KCNK13: variants seen among roughly 807,000 people sequenced by gnomAD.
The protein encoded by KCNK13 is potassium channel subfamily K member 13.
In KCNK13, 12 loss-of-function variants were observed where a neutral mutation model predicts 23.4. The observed-to-expected ratio is 0.51, with a 90% CI of 0.33 to 0.83. The LOEUF is 0.83. Ranked by LOEUF, KCNK13 falls within the 40% of genes least tolerant of loss-of-function variation. KCNK13 has a pLI of 0.02. For synonymous variants in KCNK13, 231 were observed against 229.5 expected, an observed-to-expected ratio of 1.01 and a Z score of -0.06; for missense variants, 463 against 556.3, an observed-to-expected ratio of 0.83 and a Z score of 1.69.
At position 90,184,923 on chromosome 14, in the gene KCNK13, C is replaced by T. The variant is rs373777053; in HGVS notation, c.1147C>T (p.Arg383Trp). ...GCPHQTSTLARDNEFSGGVGA... is the reference protein window; with the variant it reads ...GCPHQTSTLAWDNEFSGGVGA... ...CCCCCACCAGACCAGCACACTGGCC[C>T]GGGACAATGAATTCTCAGGGGGGGT... Residue 383 changes from arginine to tryptophan, a missense_variant, in exon 2 of 2, where the codon CGG (arginine) becomes TGG (tryptophan). Coordinates refer to ENST00000282146, the MANE Select transcript of KCNK13 (RefSeq NM_022054.4). This position sits in a 1 kb window ranked among gnomAD's most constrained non-coding sequence, Gnocchi z 5.6. The T allele has an allele frequency of 2.8e-5, 45 of 1,613,174 alleles. No homozygotes were observed. Among genetic ancestry groups the T allele is most frequent in the Admixed American group, 1.3e-4 (8 of 59,994 alleles).
intron 1 of KCNK13, among the ~76,000 whole-genome samples, chr14:90,120,333 A>G (rs1213232127): frequency 6.6e-6 from 1 of 152,208 alleles, no homozygotes; most frequent in Non-Finnish European, 1.5e-5. Flanking sequence ...GTCTCCCCAC[A>G]AGAGTTTACT....
chr14:90,172,669 C>T (rs955675486), intron 1 of KCNK13, among the ~76,000 whole-genome samples: 1 of 152,072 alleles, frequency 6.6e-6, no homozygotes, highest in Non-Finnish European at 1.5e-5. Flanking sequence ...CCATAAAACA[C>T]TTCAGCATAG....
chr14:90,116,043 A>G (rs1596784759), intron 1 of KCNK13, among the ~76,000 whole-genome samples: 1 of 152,124 alleles, frequency 6.6e-6, no homozygotes. Flanking sequence ...TTCCAAGCAT[A>G]TTTTTCTATG....
intron 1 of KCNK13, among the ~76,000 whole-genome samples, chr14:90,132,964 C>T (rs746249347): frequency 2.6e-5 from 4 of 152,146 alleles, no homozygotes; most frequent in Admixed American, 6.6e-5. Context: ...TCCCACTGTA[C>T]ACCATTTTCA....
At chr14:90,177,572 G>A (rs985048498) in intron 1 of KCNK13, among the ~76,000 whole-genome samples, 1 of 152,098 alleles carries the variant, frequency 6.6e-6, no homozygotes, top group Non-Finnish European at 1.5e-5. Flanking sequence ...AACTTGGGCT[G>A]GTCAGTGGTA....
rs565937586 is a variant in KCNK13, at chr14:90,123,758, T to C, written c.335-60353T>C. Reference sequence around the variant, plus strand: ...ATGTTCCTCCTGACTCAGCCTCCCATGTAGCTGGGACGATAGCCATGCACC... The same window carrying C: ...ATGTTCCTCCTGACTCAGCCTCCCACGTAGCTGGGACGATAGCCATGCACC... On this transcript the variant is annotated intron_variant, in intron 1 of 1. Transcript: ENST00000282146. Among the ~76,000 whole-genome samples the C allele has an allele frequency of 4.8e-4, 73 of 152,212 alleles. 1 individual carries two copies. In the South Asian group the frequency reaches 0.013, roughly 27 times the overall value.
At chr14:90,064,089 C>T (rs1378872950) in intron 1 of KCNK13, among the ~76,000 whole-genome samples, 2 of 152,174 alleles carry the variant, frequency 1.3e-5, no homozygotes, top group African/African-American at 2.4e-5. Flanking sequence ...GACTCTTAGC[C>T]GTGTTCCACA....
At chr14:90,127,866 T>G (rs1232738675) in intron 1 of KCNK13, among the ~76,000 whole-genome samples, 1 of 151,604 alleles carries the variant, frequency 6.6e-6, no homozygotes, top group Non-Finnish European at 1.5e-5. Context: ...AGAGTATGTT[T>G]CATCTAACAG....
At chr14:90,097,527 A>G (rs1018977966) in intron 1 of KCNK13, among the ~76,000 whole-genome samples, 1 of 152,164 alleles carries the variant, frequency 6.6e-6, no homozygotes, top group African/African-American at 2.4e-5. Context: ...TTCCACCACC[A>G]CCACATTGGG....
intron 1 of KCNK13, among the ~76,000 whole-genome samples, chr14:90,095,145 A>G (rs1889396534): frequency 6.6e-6 from 1 of 152,208 alleles, no homozygotes; most frequent in African/African-American, 2.4e-5. Context: ...AGAGAATCAC[A>G]GCGTCTCTGT....
In KCNK13 at chr14:90,077,411, A is replaced by G. The variant is rs574996381; in HGVS notation, c.334+14872A>G. 6.6e-5 allele frequency among the ~76,000 whole-genome samples: 10 copies of G among 152,200 alleles called. No homozygotes were observed. The South Asian group carries it at 1.2e-3, about 19-fold the overall frequency. ...GCTGGGATTACAGGTGTGAGCCACC[A>G]TGCCCGGCCAATCCTGGGAATTTTT... On this transcript the variant is annotated intron_variant, in intron 1 of 1. Transcript: ENST00000282146.
chr14:90,140,164 T>C (rs747691321), intron 1 of KCNK13, among the ~76,000 whole-genome samples: 5 of 151,958 alleles, frequency 3.3e-5, no homozygotes, highest in Non-Finnish European at 2.9e-5. Flanking sequence ...CCCCTTGGCT[T>C]TGGGGTTCGA....
At chr14:90,105,298 G>A (rs2140408917) in intron 1 of KCNK13, among the ~76,000 whole-genome samples, 1 of 151,886 alleles carries the variant, frequency 6.6e-6, no homozygotes, top group East Asian at 1.9e-4. Context: ...ATAAAACTGG[G>A]TCCCCATCTT....
At chr14:90,078,738 A>G (rs982005204) in intron 1 of KCNK13, among the ~76,000 whole-genome samples, 4 of 152,172 alleles carry the variant, frequency 2.6e-5, no homozygotes, top group African/African-American at 9.7e-5. Context: ...CGGAGCTGAT[A>G]AAATAGCAAT....
intron 1 of KCNK13, among the ~76,000 whole-genome samples, chr14:90,178,231 C>CTAAA (rs1890444774): frequency 1.3e-5 from 1 of 75,072 alleles, no homozygotes; most frequent in Non-Finnish European, 2.5e-5. Flanking sequence ...TTCCTAAAAG[C>CTAAA]AAAAAAAAAA....
At chr14:90,068,751 TG>T (rs1302595534) in intron 1 of KCNK13, among the ~76,000 whole-genome samples, 1 of 152,196 alleles carries the variant, frequency 6.6e-6, no homozygotes, top group Non-Finnish European at 1.5e-5. Context: ...CATGTTGTGA[TG>T]TTTCTGACTA....
intron 1 of KCNK13, among the ~76,000 whole-genome samples, chr14:90,077,791 C>T (rs1439584637): frequency 6.6e-6 from 1 of 152,194 alleles, no homozygotes; most frequent in African/African-American, 2.4e-5. Context: ...TCTCTTCTCT[C>T]TTAACATGGA....
At chr14:90,100,337 C>G (rs1464019846) in intron 1 of KCNK13, among the ~76,000 whole-genome samples, 2 of 152,186 alleles carry the variant, frequency 1.3e-5, no homozygotes, top group African/African-American at 4.8e-5. Context: ...AAGTCTCAAA[C>G]CTCAGCAATG....
chr14:90,130,924 C>T (rs1292094947), intron 1 of KCNK13, among the ~76,000 whole-genome samples: 4 of 152,290 alleles, frequency 2.6e-5, no homozygotes, highest in East Asian at 3.9e-4. Context: ...TATCAGCTTT[C>T]GTCAGCGAGA....
Sources: gnomAD v4.1 joint callset for allele counts (sites outside exome capture counted in the v4.1 genomes callset) on GRCh38, gnomAD v4.1.1 for gene constraint, Gnocchi (gnomAD v3.1) non-coding constraint, MANE v1.5 for transcripts, NCBI Gene and HGNC (gene_info 2026-07-23, HGNC 2026-07-21) for gene names.